Variants in WDPCP observed in about 807,000 individuals in gnomAD.
WDPCP encodes WD repeat containing planar cell polarity effector.
Under a neutral mutation model 93.1 loss-of-function variants are expected in WDPCP, and 71 were observed. The observed-to-expected ratio is 0.76, with a 90% CI of 0.63 to 0.93. WDPCP has a LOEUF of 0.93. Ranked by LOEUF, WDPCP falls within the 40% of genes least tolerant of loss-of-function variation. WDPCP has a pLI of 0.00. For missense variants in WDPCP, 844 were observed against 887.4 expected (o/e 0.95, Z 0.62); for synonymous variants, 315 against 315.0 (o/e 1.00, Z 0.00).
intron 13 of WDPCP, among the ~76,000 whole-genome samples, chr2:63,304,949 T>C (rs1457740027): frequency 1.3e-5 from 2 of 152,016 alleles, no homozygotes; most frequent in African/African-American, 4.8e-5. Flanking sequence ...AGTAGGCAGT[T>C]TTCCCCTCAC....
chr2:63,473,736 T>C (rs1249854618), intron 6 of WDPCP, among the ~76,000 whole-genome samples: 1 of 152,194 alleles, frequency 6.6e-6, no homozygotes, highest in Non-Finnish European at 1.5e-5. Context: ...TGCTTTACTA[T>C]AATTTAGTGA....
At chr2:63,647,643 A>G (rs1197773843) in intron 3 of WDPCP, among the ~76,000 whole-genome samples, 3 of 152,234 alleles carry the variant, frequency 2.0e-5, no homozygotes, top group Non-Finnish European at 4.4e-5. Flanking sequence ...GTGACTGCCT[A>G]TAAAAGGACA....
chr2:63,666,734 C>T lies in WDPCP; in HGVS notation n.309-15896G>A, dbSNP rs116519767. On this transcript the variant is annotated intron_variant and non_coding_transcript_variant, in intron 2 of 4. Transcript: ENST00000467687. ...CCTTCTCTTTCTACCCCACCATTTT[C>T]ATCTGCTTAACATGGGGAGTGGAAA... Among the ~76,000 whole-genome samples, 1,452 of 152,208 alleles carry T rather than the reference C, an allele frequency of 9.5e-3. 21 individuals are homozygous for T. The highest frequency in any genetic ancestry group is 0.034 in the African/African-American group (1,399 of 41,516).
upstream of WDPCP, among the ~76,000 whole-genome samples, chr2:63,591,570 A>G (rs1349096213): frequency 2.0e-5 from 3 of 152,224 alleles, no homozygotes; most frequent in Non-Finnish European, 4.4e-5. Flanking sequence ...GTTAAACTTA[A>G]TAGATAGTGA....
At chr2:63,590,141 T>C (rs938297333), upstream of WDPCP, 8 of 152,246 alleles carry the variant, frequency 5.3e-5, no homozygotes, top group African/African-American at 1.7e-4. Context: ...TCATTTAAAT[T>C]ATGGTTTCGG....
intron 9 of WDPCP, among the ~76,000 whole-genome samples, chr2:63,418,348 A>C (rs1047551420): frequency 6.6e-6 from 1 of 152,258 alleles, no homozygotes; most frequent in Non-Finnish European, 1.5e-5. Flanking sequence ...GAGAAATGCT[A>C]AATGACAACG....
intron 1 of WDPCP, among the ~76,000 whole-genome samples, chr2:63,564,841 G>C (rs1450700993): frequency 1.4e-5 from 2 of 147,674 alleles, no homozygotes; most frequent in Non-Finnish European, 3.0e-5. Context: ...GCAGTGGCAC[G>C]ATCTTGGCTC....
At chr2:63,698,342 C>A (rs575881378) in intron 2 of WDPCP, among the ~76,000 whole-genome samples, 20 of 152,294 alleles carry the variant, frequency 1.3e-4, no homozygotes, top group Non-Finnish European at 2.5e-4. Context: ...GAAGTCACAT[C>A]CTATGGAAAG....
chr2:63,475,826 T>A (rs538128201), intron 6 of WDPCP, among the ~76,000 whole-genome samples: 55 of 152,176 alleles, frequency 3.6e-4, no homozygotes, highest in African/African-American at 1.3e-3. Flanking sequence ...AATGAGAAGA[T>A]CCTTGGCTCT....
chr2:63,362,359 C>T (rs1335219695), intron 12 of WDPCP, among the ~76,000 whole-genome samples: 1 of 134,174 alleles, frequency 7.5e-6, no homozygotes, highest in Non-Finnish European at 1.5e-5. Context: ...GGCAGATTAT[C>T]TGGAAATAGA....
chr2:63,147,784 C>G (rs1021433491), intron 17 of WDPCP, among the ~76,000 whole-genome samples: 4 of 152,012 alleles, frequency 2.6e-5, no homozygotes, highest in Non-Finnish European at 5.9e-5. Context: ...ACCTGGGTAA[C>G]ATGGTGAAAC....
At chr2:63,830,064 A>G (rs1671170650), upstream of WDPCP, among the ~76,000 whole-genome samples, 1 of 152,116 alleles carries the variant, frequency 6.6e-6, no homozygotes, top group Non-Finnish European at 1.5e-5. Flanking sequence ...CCTTTACTAA[A>G]GATTCTATTT....
the WDPCP span, among the ~76,000 whole-genome samples, chr2:63,837,445 G>A: frequency 6.6e-6 from 1 of 152,266 alleles, no homozygotes; most frequent in Admixed American, 6.5e-5. Flanking sequence ...CAGTCCAGTG[G>A]ATAACTGTTG....
At chr2:63,781,049 C>G (rs1179949447) in intron 2 of WDPCP, among the ~76,000 whole-genome samples, 1 of 152,172 alleles carries the variant, frequency 6.6e-6, no homozygotes, top group Non-Finnish European at 1.5e-5. Flanking sequence ...AGAACCAGGT[C>G]TGTTACAGAA....
At chr2:63,824,223 G>A (rs1671075228) in intron 1 of WDPCP, among the ~76,000 whole-genome samples, 1 of 152,000 alleles carries the variant, frequency 6.6e-6, no homozygotes, top group Admixed American at 6.6e-5. Context: ...CTGCCACCAT[G>A]TAAGACATGC....
chr2:63,549,636 G>C (rs968790032), intron 1 of WDPCP, among the ~76,000 whole-genome samples: 1 of 152,000 alleles, frequency 6.6e-6, no homozygotes. Flanking sequence ...CATAGTGGCA[G>C]AAGCCTGTAA....
chr2:63,416,963 A>C (rs571618850), intron 9 of WDPCP, among the ~76,000 whole-genome samples: 5 of 152,336 alleles, frequency 3.3e-5, no homozygotes, highest in African/African-American at 9.6e-5. Flanking sequence ...TTGTTTTGAC[A>C]ATAGAGAATG....
At chr2:63,706,641 G>C (rs1263167227) in intron 2 of WDPCP, among the ~76,000 whole-genome samples, 3 of 115,320 alleles carry the variant, frequency 2.6e-5, no homozygotes, top group African/African-American at 1.0e-4. Context: ...ACGGAGTCTC[G>C]CTCTGTCGCC....
intron 3 of WDPCP, among the ~76,000 whole-genome samples, chr2:63,627,173 T>C (rs1295499614): frequency 2.0e-5 from 3 of 152,192 alleles, no homozygotes; most frequent in African/African-American, 7.2e-5. Context: ...AATAACAGGA[T>C]TGCTAGAACA....
Sources: allele counts gnomAD v4.1 joint callset (sites outside exome capture counted in the v4.1 genomes callset), GRCh38; gene constraint gnomAD v4.1.1; transcripts MANE v1.5; gene names NCBI Gene and HGNC (gene_info 2026-07-23, HGNC 2026-07-21).